Variants in USP43 observed in about 807,000 individuals in gnomAD.
The protein encoded by USP43 is ubiquitin specific peptidase 43.
A neutral mutation model predicts 90.7 loss-of-function variants in USP43; 33 were observed. The observed-to-expected ratio is 0.36, with a 90% CI of 0.28 to 0.49. USP43 has a LOEUF of 0.49. Ranked by LOEUF, USP43 falls within the 20% of genes least tolerant of loss-of-function variation. The pLI, the probability that USP43 is intolerant of heterozygous loss-of-function variation, is 0.98. For missense variants in USP43, 1,274 were observed against 1,476.4 expected, an observed-to-expected ratio of 0.86 and a Z score of 2.25; for synonymous variants, 598 against 615.8, an observed-to-expected ratio of 0.97 and a Z score of 0.43.
intron 2 of USP43, among the ~76,000 whole-genome samples, chr17:9,663,188 C>A (rs1415884061): frequency 6.6e-6 from 1 of 152,016 alleles, no homozygotes. Context: ...CTGTCATTAT[C>A]CCTTTATTAT....
At position 9,680,690 on chromosome 17, in the gene USP43, T is replaced by A. The variant is rs916079720; in HGVS notation, c.1105+324T>A. On this transcript the variant is annotated intron_variant, in intron 6 of 14. Transcript: ENST00000285199. Reference sequence around the variant, plus strand: ...TTGCACATCTAACCAAGTTCCCAGGTGATGCCGATGCTGCTGGTCCAGGAA... The same window carrying A: ...TTGCACATCTAACCAAGTTCCCAGGAGATGCCGATGCTGCTGGTCCAGGAA... Among the ~76,000 whole-genome samples, 13 of 152,140 alleles carry A rather than the reference T, an allele frequency of 8.5e-5. 1 individual carries two copies. The highest frequency in any genetic ancestry group is 6.8e-3 in the Middle Eastern group (2 of 294).
At chr17:9,680,096 C>A (rs1363769124) in intron 5 of USP43, 135 bp from the exon 6 acceptor site, 2 of 847,330 alleles carry the variant, frequency 2.4e-6, no homozygotes, top group Non-Finnish European at 1.8e-6. Context: ...ACTATGCTGC[C>A]TTATTACTAA....
chr17:9,678,968 T>C (rs1913978342), intron 5 of USP43, among the ~76,000 whole-genome samples: 1 of 152,178 alleles, frequency 6.6e-6, no homozygotes, highest in Admixed American at 6.5e-5. Flanking sequence ...CACAAGGATC[T>C]TGGTATGCAT....
intron 14 of USP43, among the ~76,000 whole-genome samples, chr17:9,717,158 CAAAAA>C (rs34421871): frequency 1.2e-5 from 1 of 81,832 alleles, no homozygotes; most frequent in African/African-American, 3.8e-5. Flanking sequence ...GACTCCCTCT[CAAAAA>C]AAAAAAAAAA....
At position 9,727,754 on chromosome 17, in the gene USP43, C is replaced by T. The variant is rs188273668; in HGVS notation, c.2336-200C>T. The stretch of plus-strand genomic sequence containing the variant: ...CACTGGCTTACCCTGTGGCTTCAAA[C>T]GTGTAAGTGGATATTGAGGAAGAGT... On this transcript the variant is annotated intron_variant, in intron 14 of 14. Coordinates refer to ENST00000285199, the MANE Select transcript of USP43 (RefSeq NM_153210.5). 3.9e-5 allele frequency among the ~76,000 whole-genome samples: 6 copies of T among 152,248 alleles called. No homozygotes were observed. The East Asian group carries it at 7.7e-4, about 20-fold the overall frequency.
chr17:9,652,795 T>C (rs1911967101), intron 1 of USP43, among the ~76,000 whole-genome samples: 1 of 152,232 alleles, frequency 6.6e-6, no homozygotes, highest in Admixed American at 6.5e-5. Context: ...TAAAAAACTT[T>C]GTCATTTACA....
At chr17:9,678,156 T>C (rs1276488391) in intron 5 of USP43, among the ~76,000 whole-genome samples, 4 of 151,810 alleles carry the variant, frequency 2.6e-5, no homozygotes, top group Non-Finnish European at 2.9e-5. Flanking sequence ...TAATTAAGAG[T>C]GTGAAAAATC....
chr17:9,673,334 C>T lies in USP43; in HGVS notation c.741-1557C>T, dbSNP rs115128662. Among the ~76,000 whole-genome samples, 1,147 of 152,066 alleles carry T rather than the reference C, an allele frequency of 7.5e-3. 13 individuals carry two copies. The highest frequency in any genetic ancestry group is 0.026 in the African/African-American group (1,068 of 41,480). ...AGCCTGGCCAACATAGTGAATCCCC[C>T]GTCTCTACTGAAAAAAATACAAAAA... On this transcript the variant is annotated intron_variant, in intron 3 of 14. Coordinates refer to ENST00000285199, the MANE Select transcript of USP43 (RefSeq NM_153210.5).
chr17:9,661,374 T>G (rs528972929), intron 2 of USP43, among the ~76,000 whole-genome samples: 137 of 152,266 alleles, frequency 9.0e-4, no homozygotes, highest in African/African-American at 3.1e-3. Context: ...TTATTTTTTT[T>G]GAGACAGGGC....
intron 2 of USP43, among the ~76,000 whole-genome samples, chr17:9,659,903 GTAGATGCCAGTC>G (rs974609288): frequency 5.3e-5 from 8 of 152,246 alleles, no homozygotes; most frequent in Admixed American, 6.5e-5. Flanking sequence ...GGTAGCATTA[GTAGATGCCAGTC>G]TAGATGCCAG....
rs971278087 is a variant in USP43, at chr17:9,709,812, A to G, written c.2012-144A>G. 1 of 845,464 alleles carries G rather than the reference A, an allele frequency of 1.2e-6. No homozygotes were observed. Among genetic ancestry groups the G allele is most frequent in the African/African-American group, 1.8e-5 (1 of 56,548 alleles). The allele number at this position is 845,464 out of a possible 1,614,324, so 52.4% of individuals were successfully genotyped here. A position where few individuals can be genotyped will look rare whatever the true frequency, so the allele number is the denominator to read the frequency against. On this transcript the variant is annotated intron_variant, in intron 12 of 14. Coordinates refer to ENST00000285199, the MANE Select transcript of USP43 (RefSeq NM_153210.5). The surrounding 1 kb of genome is among the most constrained non-coding windows in gnomAD (Gnocchi z 5.0). ...AACTTACTGATCTTTTCTGATTCCA[A>G]AAAAAATTCATTTCTGGCCAAAAAT...
intron 1 of USP43, among the ~76,000 whole-genome samples, chr17:9,648,186 G>A (rs1254749612): frequency 1.3e-5 from 2 of 152,252 alleles, no homozygotes; most frequent in Non-Finnish European, 2.9e-5. Flanking sequence ...ATGTTAATGA[G>A]GGAGATACAA....
chr17:9,704,621 C>G (rs1915771896), intron 12 of USP43, among the ~76,000 whole-genome samples: 1 of 152,010 alleles, frequency 6.6e-6, no homozygotes, highest in Non-Finnish European at 1.5e-5. Context: ...CTGGCCTAGT[C>G]TTAGGTTTCT....
At chr17:9,710,193 G>A (rs913589098) in intron 13 of USP43, 79 bp downstream of exon 13, 6 of 1,333,352 alleles carry the variant, frequency 4.5e-6, no homozygotes, top group African/African-American at 1.5e-5. Context: ...GTTGAACATC[G>A]AGGACCAGGA....
intron 13 of USP43, among the ~76,000 whole-genome samples, chr17:9,711,412 T>TTTG (rs927102284): frequency 1.1e-3 from 174 of 152,248 alleles, no homozygotes; most frequent in African/African-American, 3.8e-3. Context: ...CATACTTTCC[T>TTTG]TTGTTGTTGT....
At chr17:9,676,317 A>G (rs1158062510) in intron 4 of USP43, among the ~76,000 whole-genome samples, 1 of 152,188 alleles carries the variant, frequency 6.6e-6, no homozygotes, top group African/African-American at 2.4e-5. Context: ...AAGTACAGGG[A>G]CACAACCAGG....
intron 5 of USP43, among the ~76,000 whole-genome samples, chr17:9,678,725 C>T (rs974380742): frequency 6.6e-6 from 1 of 151,656 alleles, no homozygotes; most frequent in African/African-American, 2.4e-5. Context: ...CCGCCCCTCC[C>T]CCCCCATTTT....
intron 12 of USP43, among the ~76,000 whole-genome samples, chr17:9,702,486 C>A (rs780177654): frequency 2.0e-5 from 3 of 151,050 alleles, no homozygotes; most frequent in Non-Finnish European, 4.4e-5. Flanking sequence ...TCTTACTTAT[C>A]GGATTTGGTA....
At chr17:9,693,040 AT>A (rs1234499643) in intron 8 of USP43, 86 bp from the exon 9 acceptor site, 3 of 923,282 alleles carry the variant, frequency 3.2e-6, no homozygotes, top group Non-Finnish European at 5.0e-6. Flanking sequence ...TAATGATTAT[AT>A]TTTTTAATGT....
Sources: gnomAD v4.1 joint callset for allele counts (sites outside exome capture counted in the v4.1 genomes callset) on GRCh38, gnomAD v4.1.1 for gene constraint, Gnocchi (gnomAD v3.1) non-coding constraint, MANE v1.5 for transcripts, NCBI Gene and HGNC (gene_info 2026-07-23, HGNC 2026-07-21) for gene names.